ZNF614: variants seen among roughly 807,000 people sequenced by gnomAD.
ZNF614 encodes zinc finger protein 614.
A neutral mutation model predicts 12.8 loss-of-function variants in ZNF614; 11 were observed. The observed-to-expected ratio is 0.86, with a 90% CI of 0.54 to 1.43. The LOEUF (loss-of-function observed/expected upper bound fraction) is 1.43, where lower values mean the gene tolerates loss of function less well. Among genes scored for constraint, ZNF614 ranks in the 40% most tolerant of loss-of-function variants. The probability of loss-of-function intolerance (pLI) is 0.00; values close to 1 mark genes in which losing one functional copy is unlikely to be tolerated. For missense variants in ZNF614, 664 were observed against 708.8 expected (o/e 0.94, Z 0.72); for synonymous variants, 237 against 237.5 (o/e 1.00, Z 0.02).
In ZNF614 at chr19:52,022,099, TAGTA is replaced by T. The variant is rs2086936069; in HGVS notation, c.16-3609_16-3606del. Among the ~76,000 whole-genome samples the T allele has an allele frequency of 3.3e-5, 5 of 152,342 alleles. 1 individual carries two copies. In the South Asian group the frequency reaches 1.0e-3, roughly 32 times the overall value. On this transcript the variant is annotated intron_variant, in intron 2 of 4. Coordinates refer to ENST00000270649, the MANE Select transcript of ZNF614 (RefSeq NM_025040.4). ...ATGGAAAATACACAATTTGATAACA[TAGTA>T]AGTGTTGGCAAGATTTGCAGCACTG... is the stretch of plus-strand genomic sequence containing the variant.
chr19:52,015,752 GA>G lies in ZNF614; in HGVS notation c.*87del, dbSNP rs2086891852. 7.9e-7 allele frequency: 1 copy of G among 1,273,126 alleles called. No individual in the cohort carries two copies. The highest frequency in any genetic ancestry group is 1.4e-5 in the South Asian group (1 of 69,386). 78.9% of individuals were successfully genotyped at this position (1,273,126 alleles called of 1,614,324 possible). A position where few individuals can be genotyped will look rare whatever the true frequency, so the allele number is the denominator to read the frequency against. ...ACCATGTTTATGTTCCAATTGGCTAGAAACACACTGATGTTTAATGAAGTCT... is the reference window on the plus strand; with the variant it reads ...ACCATGTTTATGTTCCAATTGGCTAGAACACACTGATGTTTAATGAAGTCT... On this transcript the variant is annotated 3_prime_UTR_variant, in exon 5 of 5. Transcript: ENST00000270649.
Position 52,017,071 on chromosome 19 carries a change from T to G in ZNF614, c.527A>C (p.Lys176Thr). ...LHGKHERTHT[K>T]TRFSENAKCI... ...TTTTGCATTTTCAGAAAATCTAGTT[T>G]TAGTATGCGTACGTTCATGCTTACC... Residue 176 changes from lysine to threonine, a missense_variant, in exon 5 of 5, where the codon AAA (lysine) becomes ACA (threonine). Transcript: ENST00000270649. 7 of 1,614,200 alleles carry G rather than the reference T, an allele frequency of 4.3e-6. No homozygotes were observed. The highest frequency in any genetic ancestry group is 5.9e-6 in the Non-Finnish European group (7 of 1,180,036).
Position 52,016,409 on chromosome 19 carries a change from T to C in ZNF614, c.1189A>G (p.Lys397Glu). 6.2e-7 allele frequency: 1 copy of C among 1,614,196 alleles called. No homozygotes were observed. The highest frequency in any genetic ancestry group is 1.1e-5 in the South Asian group (1 of 91,080). The stretch of plus-strand genomic sequence containing the variant: ...CCACATTCGCTGCATATGTAAGATT[T>C]TTCTCCTGTGTGGGAGCGCTGATGT... ...IVHQRSHTGE[K>E]SYICSECGKG... is the part of the protein sequence containing the mutation. The change falls in exon 5 of 5, where the codon AAA becomes GAA. Residue 397 changes from lysine (K) to glutamate (E), a missense_variant. Lys to Glu is a moderately conservative substitution (Grantham distance 56, BLOSUM62 1). Transcript: ENST00000270649.
In ZNF614 at chr19:52,015,747, G is replaced by T; in HGVS notation, c.*93C>A. On this transcript the variant is annotated 3_prime_UTR_variant, in exon 5 of 5. Transcript: ENST00000270649. ...GCAGCACCATGTTTATGTTCCAATT[G>T]GCTAGAAACACACTGATGTTTAATG... 2.5e-6 allele frequency: 3 copies of T among 1,190,728 alleles called. No homozygotes were observed. The highest frequency in any genetic ancestry group is 3.6e-6 in the Non-Finnish European group (3 of 842,204). 73.8% of individuals were successfully genotyped at this position (1,190,728 alleles called of 1,614,324 possible).
rs758730847 is a variant in ZNF614 at position 52,017,225 on chromosome 19, G to T, written c.373C>A (p.Gln125Lys). The T allele has an allele frequency of 1.2e-6, 2 of 1,614,080 alleles. No individual in the cohort carries two copies. The highest frequency in any genetic ancestry group is 1.7e-5 in the Admixed American group (1 of 60,022). Residue 125 changes from glutamine (Q) to lysine (K), a missense_variant, in exon 5 of 5, where the codon CAA (glutamine) becomes AAA (lysine). Coordinates refer to ENST00000270649, the MANE Select transcript of ZNF614 (RefSeq NM_025040.4). ...HLSKTHFPIV[Q>K]NHDTFDLYRK... is the part of the protein sequence containing the mutation. Reference sequence around the variant, plus strand: ...TACAAGTCAAATGTATCATGATTTTGCACTATAGGAAAATGTGTCTTGCTG... The same window carrying T: ...TACAAGTCAAATGTATCATGATTTTTCACTATAGGAAAATGTGTCTTGCTG...
At chr19:52,022,638 AC>A (rs1194677023) in intron 2 of ZNF614, among the ~76,000 whole-genome samples, 1 of 152,096 alleles carries the variant, frequency 6.6e-6, no homozygotes, top group East Asian at 1.9e-4. Flanking sequence ...GATGCCAGTC[AC>A]AAGTCCTGGG....
In ZNF614 at chr19:52,028,335, C is replaced by T. The variant is rs1253610835; in HGVS notation, c.-310G>A. The T allele has an allele frequency of 1.4e-5, 2 of 147,940 alleles. No individual in the cohort carries two copies. The highest frequency in any genetic ancestry group is 4.9e-5 in the African/African-American group (2 of 40,758). The allele number at this position is 147,940 out of a possible 1,614,324, so 9.2% of individuals were successfully genotyped here. A position where few individuals can be genotyped will look rare whatever the true frequency, so the allele number is the denominator to read the frequency against. On this transcript the variant is annotated 5_prime_UTR_variant, in exon 1 of 5. Coordinates refer to ENST00000270649, the MANE Select transcript of ZNF614 (RefSeq NM_025040.4). ...CTATTCAGACGCGCTCCTGCGCGGA[C>T]TCCGGGAAGCTGAGCGGTAAAGACC... is the stretch of plus-strand genomic sequence containing the variant.
intron 1 of ZNF614, among the ~76,000 whole-genome samples, chr19:52,026,912 CAT>C (rs962239700): frequency 2.8e-4 from 42 of 152,332 alleles, no homozygotes; most frequent in African/African-American, 9.6e-4. Context: ...CCTTTGTTCA[CAT>C]GTTTTCCTGC....
In ZNF614 at chr19:52,025,813, T is replaced by A; in HGVS notation, c.-68A>T. The stretch of plus-strand genomic sequence containing the variant: ...GTCTTTGTCTCTTCTGCATTTGCCA[T>A]GAAGTTTTTGAAGTTTTCCTAGTCA... On this transcript the variant is annotated 5_prime_UTR_variant, in exon 2 of 5. The change abolishes an upstream ATG in the 5' untranslated region. Transcript: ENST00000270649. 1 of 1,538,896 alleles carries A rather than the reference T, an allele frequency of 6.5e-7. No homozygotes were observed. The highest frequency in any genetic ancestry group is 8.9e-7 in the Non-Finnish European group (1 of 1,127,098).
chr19:52,018,626 G>T (rs2123120918), intron 2 of ZNF614, 132 bp from the exon 3 acceptor site: 1 of 892,418 alleles, frequency 1.1e-6, no homozygotes, highest in African/African-American at 1.7e-5. Flanking sequence ...TTTGGTAGGA[G>T]CAAAATCCTC....
At chr19:52,019,215 T>C (rs2086919593) in intron 2 of ZNF614, among the ~76,000 whole-genome samples, 1 of 152,002 alleles carries the variant, frequency 6.6e-6, no homozygotes, top group Admixed American at 6.6e-5. Flanking sequence ...ATTAACAGCA[T>C]ATTAGATACA....
chr19:52,022,725 G>C (rs1018787785), intron 2 of ZNF614, among the ~76,000 whole-genome samples: 11 of 151,850 alleles, frequency 7.2e-5, no homozygotes, highest in Non-Finnish European at 1.6e-4. Flanking sequence ...TAATTTACTA[G>C]AACAGCTCAT....
In ZNF614 at chr19:52,018,479, C is replaced by T; in HGVS notation, c.31G>A (p.Glu11Lys). Residue 11 changes from glutamate (E) to lysine (K), a missense_variant, in exon 3 of 5, where the codon GAG becomes AAG. Coordinates refer to ENST00000270649, the MANE Select transcript of ZNF614 (RefSeq NM_025040.4). ...CAGCTGAATTCCACAGCCACATCCT[C>T]CAGGGTCAGTGATTCCTGTAATTAC... MIKTQESLTL[E>K]DVAVEFSWEE... 1 of 1,614,088 alleles carries T rather than the reference C, an allele frequency of 6.2e-7. No homozygotes were observed. Among genetic ancestry groups the T allele is most frequent in the South Asian group, 1.1e-5 (1 of 91,062 alleles).
intron 2 of ZNF614, among the ~76,000 whole-genome samples, 169 bp downstream of exon 2, chr19:52,025,562 G>A (rs1247026832): frequency 3.3e-5 from 5 of 152,072 alleles, no homozygotes; most frequent in Admixed American, 1.3e-4. Flanking sequence ...GAGCTCAAGC[G>A]ATCCAGAATC....
At position 52,025,976 on chromosome 19, in the gene ZNF614, G is replaced by C. The variant is rs1394755086; in HGVS notation, c.-216-15C>G. The C allele has an allele frequency of 1.1e-5, 6 of 522,108 alleles. No individual in the cohort carries two copies. Among genetic ancestry groups the C allele is most frequent in the Non-Finnish European group, 1.7e-5 (5 of 291,496 alleles). 32.3% of individuals were successfully genotyped at this position (522,108 alleles called of 1,614,324 possible). On this transcript the variant is annotated splice_polypyrimidine_tract_variant and intron_variant, in intron 1 of 4. Coordinates refer to ENST00000270649, the MANE Select transcript of ZNF614 (RefSeq NM_025040.4). Reference sequence around the variant, plus strand: ...GGACCTGAGGACTGATAAACAAAATGGCTTTCAGTGTACATTAACCCTGGG... The same window carrying C: ...GGACCTGAGGACTGATAAACAAAATCGCTTTCAGTGTACATTAACCCTGGG...
At chr19:52,023,334 A>C (rs891146321) in intron 2 of ZNF614, among the ~76,000 whole-genome samples, 24 of 151,764 alleles carry the variant, frequency 1.6e-4, no homozygotes, top group African/African-American at 5.8e-4. Flanking sequence ...ACGCCCAGCT[A>C]ATTTTTGTAT....
chr19:52,016,611 A>G lies in ZNF614; in HGVS notation c.987T>C (p.Asn329=), dbSNP rs1172389442. The part of the protein sequence containing the change: ...ECGKGFTVKS[N]LIVHQRTHTG... ...TATGAGTTCGCTGATGTACAATGAG[A>G]TTGCTCTTCACAGTGAAACCTTTTC... Residue 329 remains asparagine, a synonymous_variant, in exon 5 of 5, where the codon AAT becomes AAC. Transcript: ENST00000270649. 2 of 1,614,052 alleles carry G rather than the reference A, an allele frequency of 1.2e-6. No individual in the cohort carries two copies. Among genetic ancestry groups the G allele is most frequent in the South Asian group, 2.2e-5 (2 of 91,086 alleles).
intron 1 of ZNF614, among the ~76,000 whole-genome samples, chr19:52,027,341 A>G (rs1169339431): frequency 6.6e-6 from 1 of 152,224 alleles, no homozygotes; most frequent in Non-Finnish European, 1.5e-5. Flanking sequence ...GAACTGTCTC[A>G]TTTCACATTA....
intron 1 of ZNF614, among the ~76,000 whole-genome samples, chr19:52,027,065 G>C (rs1356656863): frequency 6.6e-6 from 1 of 152,102 alleles, no homozygotes; most frequent in African/African-American, 2.4e-5. Flanking sequence ...TGGTCTCCTG[G>C]GCCCACTTTT....
Sources: allele counts gnomAD v4.1 joint callset (sites outside exome capture counted in the v4.1 genomes callset), GRCh38; gene constraint gnomAD v4.1.1; transcripts MANE v1.5; gene names NCBI Gene and HGNC (gene_info 2026-07-23, HGNC 2026-07-21).